MBD5: variants seen among roughly 807,000 people sequenced by gnomAD.
The protein encoded by MBD5 is methyl-CpG binding domain protein 5.
MBD5 carries 13 observed loss-of-function variants against 117.3 expected under a neutral mutation model. The observed-to-expected ratio is 0.11, with a 90% CI of 0.07 to 0.18. The LOEUF (loss-of-function observed/expected upper bound fraction) is 0.18, where lower values mean the gene tolerates loss of function less well. Among genes scored for constraint, MBD5 ranks in the 10% least tolerant of loss-of-function variants. MBD5 has a pLI of 1.00. For synonymous variants in MBD5, 727 were observed against 766.4 expected (o/e 0.95, Z 0.85); for missense variants, 1,879 against 2,093.8 (o/e 0.90, Z 2.00).
intron 3 of MBD5, among the ~76,000 whole-genome samples, chr2:148,306,627 C>A (rs928488930): frequency 6.6e-6 from 1 of 152,104 alleles, no homozygotes; most frequent in African/African-American, 2.4e-5. Flanking sequence ...AAAAAGGTTT[C>A]TTTAAATATG....
chr2:148,070,079 C>G (rs1272678593), intron 1 of MBD5, among the ~76,000 whole-genome samples: 3 of 152,174 alleles, frequency 2.0e-5, no homozygotes, highest in African/African-American at 7.2e-5. Flanking sequence ...TTACCAGCCT[C>G]TCTTCATCCT....
chr2:148,357,476 T>A (rs1703414393), intron 4 of MBD5, among the ~76,000 whole-genome samples: 1 of 151,048 alleles, frequency 6.6e-6, no homozygotes, highest in Non-Finnish European at 1.5e-5. Context: ...TTTTTTTTCT[T>A]GGTATTTTGC....
Position 148,365,340 on chromosome 2 carries a change from G to C in MBD5, c.-557+23004G>C, listed in dbSNP as rs191848160. 2.0e-5 allele frequency among the ~76,000 whole-genome samples: 3 copies of C among 152,270 alleles called. No individual in the cohort carries two copies. In the East Asian group the frequency reaches 5.8e-4, roughly 29 times the overall value. On this transcript the variant is annotated intron_variant, in intron 4 of 13. Transcript: ENST00000642680. The stretch of plus-strand genomic sequence containing the variant: ...GAATCTCTGAGACACAGCCAAAGCA[G>C]TCTTAGAGGGACATTTATAGCACCA...
chr2:148,076,098 A>G (rs373254515), intron 1 of MBD5, among the ~76,000 whole-genome samples: 4 of 152,186 alleles, frequency 2.6e-5, no homozygotes, highest in Admixed American at 2.0e-4. Context: ...AGTTAAAGAA[A>G]ACATATCACA....
At chr2:148,076,056 A>G (rs1272937736) in intron 1 of MBD5, among the ~76,000 whole-genome samples, 1 of 152,220 alleles carries the variant, frequency 6.6e-6, no homozygotes, top group Non-Finnish European at 1.5e-5. Flanking sequence ...TCATGGCCTT[A>G]GAAAGTAGTA....
In MBD5 at chr2:148,257,990, T is replaced by C. The variant is rs563335753; in HGVS notation, c.-680+24595T>C. On this transcript the variant is annotated intron_variant, in intron 3 of 13. Transcript: ENST00000642680. ...ATCCACCAGTTTCTATCAGGCTTTC[T>C]AACTGGCCACACTGGAGAACTGTAG... Among the ~76,000 whole-genome samples, 31 of 152,312 alleles carry C rather than the reference T, an allele frequency of 2.0e-4. 1 individual carries two copies. The South Asian group carries it at 6.2e-3, about 31-fold the overall frequency.
intron 1 of MBD5, among the ~76,000 whole-genome samples, chr2:148,152,295 G>A (rs941216921): frequency 8.5e-5 from 13 of 152,102 alleles, no homozygotes; most frequent in Non-Finnish European, 1.3e-4. Context: ...TTGCACTGTG[G>A]TCTGAGAGAT....
intron 3 of MBD5, among the ~76,000 whole-genome samples, chr2:148,331,337 A>G (rs1353332115): frequency 6.6e-6 from 1 of 151,764 alleles, no homozygotes; most frequent in South Asian, 2.1e-4. Context: ...GCTTCCTACC[A>G]TCAGTTTCCA....
intron 1 of MBD5, among the ~76,000 whole-genome samples, chr2:148,167,645 T>C (rs775258349): frequency 1.3e-4 from 20 of 152,214 alleles, no homozygotes; most frequent in Admixed American, 6.5e-5. Context: ...CATTGCTCCA[T>C]TAAAATACTG....
intron 4 of MBD5, among the ~76,000 whole-genome samples, chr2:148,395,995 C>G (rs1462361349): frequency 6.6e-6 from 1 of 152,184 alleles, no homozygotes; most frequent in Non-Finnish European, 1.5e-5. Context: ...AAAAAATACT[C>G]TCTTTTGATG....
At chr2:148,250,750 A>G (rs1177603683) in intron 3 of MBD5, among the ~76,000 whole-genome samples, 1 of 152,184 alleles carries the variant, frequency 6.6e-6, no homozygotes, top group Non-Finnish European at 1.5e-5. Flanking sequence ...AACAACTCTA[A>G]GAGAAATGTT....
chr2:148,084,786 T>G (rs1329387842), intron 1 of MBD5, among the ~76,000 whole-genome samples: 2 of 152,232 alleles, frequency 1.3e-5, no homozygotes, highest in African/African-American at 4.8e-5. Context: ...TCATTTTCAT[T>G]TAGTGATGGC....
chr2:148,245,908 G>T (rs1364985222), intron 3 of MBD5, among the ~76,000 whole-genome samples: 1 of 152,124 alleles, frequency 6.6e-6, no homozygotes, highest in Admixed American at 6.6e-5. Context: ...GAGAATTTGG[G>T]CAAGTTTACT....
intron 2 of MBD5, among the ~76,000 whole-genome samples, chr2:148,212,432 G>T (rs192355177): frequency 6.6e-6 from 1 of 152,172 alleles, no homozygotes; most frequent in East Asian, 1.9e-4. Flanking sequence ...GCCAAATAAT[G>T]TTCTATTATA....
At chr2:148,065,475 C>T (rs1450669755) in intron 1 of MBD5, among the ~76,000 whole-genome samples, 3 of 151,964 alleles carry the variant, frequency 2.0e-5, no homozygotes, top group Non-Finnish European at 4.4e-5. Flanking sequence ...TGTTGTGTGG[C>T]GGAAACCAGA....
intron 13 of MBD5, among the ~76,000 whole-genome samples, chr2:148,511,961 C>T (rs183855285): frequency 1.8e-4 from 27 of 152,304 alleles, no homozygotes; most frequent in Admixed American, 1.7e-3. Flanking sequence ...TCATCTCTTC[C>T]TAATTCTAAG....
At chr2:148,297,679 G>A (rs1357923807) in intron 3 of MBD5, among the ~76,000 whole-genome samples, 1 of 151,960 alleles carries the variant, frequency 6.6e-6, no homozygotes, top group Non-Finnish European at 1.5e-5. Context: ...ATTCTCTCTG[G>A]CAAATACCTT....
intron 1 of MBD5, among the ~76,000 whole-genome samples, chr2:148,078,681 T>G (rs1573990095): frequency 6.6e-6 from 1 of 152,336 alleles, no homozygotes; most frequent in East Asian, 1.9e-4. Flanking sequence ...AAGTATATAT[T>G]ATCCATTGGA....
chr2:148,231,917 G>C (rs1699997273), intron 2 of MBD5, among the ~76,000 whole-genome samples: 1 of 152,192 alleles, frequency 6.6e-6, no homozygotes, highest in Admixed American at 6.6e-5. Context: ...TATAGAGAAT[G>C]AAGGCCAATG....
Sources: allele counts gnomAD v4.1 joint callset (sites outside exome capture counted in the v4.1 genomes callset), GRCh38; gene constraint gnomAD v4.1.1; transcripts MANE v1.5; gene names NCBI Gene and HGNC (gene_info 2026-07-23, HGNC 2026-07-21).